The following CADPS variants were observed in gnomAD, a reference collection of about 807,000 sequenced individuals.
The protein encoded by CADPS is calcium-dependent secretion activator 1.
In CADPS, 57 loss-of-function variants were observed where a neutral mutation model predicts 167.3. That is an observed-to-expected ratio of 0.34 (90% CI 0.28 to 0.42). CADPS has a LOEUF of 0.42. CADPS is among the 20% of genes least tolerant of loss of function. The pLI is 1.00. For synonymous variants in CADPS, 676 were observed against 635.3 expected (o/e 1.06, Z -0.96); for missense variants, 1,414 against 1,738.1 (o/e 0.81, Z 3.32).
At chr3:62,775,338 C>T (rs2090017417) in intron 1 of CADPS, among the ~76,000 whole-genome samples, 1 of 152,120 alleles carries the variant, frequency 6.6e-6, no homozygotes, top group Non-Finnish European at 1.5e-5. Flanking sequence ...CAGGCATTAG[C>T]CACTGCGCCT....
At chr3:62,675,643 G>T (rs150490406) in intron 3 of CADPS, among the ~76,000 whole-genome samples, 51 of 152,202 alleles carry the variant, frequency 3.4e-4, no homozygotes, top group African/African-American at 1.2e-3. Flanking sequence ...GCACTGGGAA[G>T]TTCAAATTAA....
At chr3:62,792,904 T>C (rs2093072384) in intron 1 of CADPS, among the ~76,000 whole-genome samples, 1 of 152,138 alleles carries the variant, frequency 6.6e-6, no homozygotes, top group East Asian at 1.9e-4. Context: ...AGCTAACAAA[T>C]ATTTATTGAT....
intron 2 of CADPS, among the ~76,000 whole-genome samples, chr3:62,765,514 A>AT: frequency 6.6e-6 from 1 of 152,104 alleles, no homozygotes; most frequent in African/African-American, 2.4e-5. Context: ...ACAGGTTGTG[A>AT]TTTTTCATAG....
At chr3:62,782,014 TC>T (rs1171412051) in intron 1 of CADPS, among the ~76,000 whole-genome samples, 1 of 152,156 alleles carries the variant, frequency 6.6e-6, no homozygotes, top group East Asian at 1.9e-4. Flanking sequence ...TCCTAATGTC[TC>T]CCTTTACCAC....
At chr3:62,710,424 C>A (rs2083176669) in intron 3 of CADPS, among the ~76,000 whole-genome samples, 3 of 151,954 alleles carry the variant, frequency 2.0e-5, no homozygotes, top group Admixed American at 2.0e-4. Flanking sequence ...CTGAGATAAA[C>A]CTTGGGAAAG....
chr3:62,418,324 CTTT>C (rs1227861106), intron 28 of CADPS, among the ~76,000 whole-genome samples: 2 of 115,078 alleles, frequency 1.7e-5, no homozygotes, highest in African/African-American at 3.6e-5. Context: ...TTTTTTCTCT[CTTT>C]TTTTTTTTTT....
intron 1 of CADPS, among the ~76,000 whole-genome samples, chr3:62,813,079 C>G (rs541535052): frequency 6.6e-6 from 1 of 151,930 alleles, no homozygotes; most frequent in Non-Finnish European, 1.5e-5. Flanking sequence ...TATCAAATTA[C>G]CAAAGCCATT....
At chr3:62,512,633 G>A (rs902054280) in intron 17 of CADPS, 118 bp downstream of exon 17, 5 of 636,284 alleles carry the variant, frequency 7.9e-6, no homozygotes, top group African/African-American at 7.4e-5. Context: ...AAGTATTATT[G>A]CAACTCCACA....
At chr3:62,456,559 A>C (rs141467755) in intron 26 of CADPS, among the ~76,000 whole-genome samples, 159 of 152,312 alleles carry the variant, frequency 1.0e-3, no homozygotes, top group African/African-American at 3.4e-3. Flanking sequence ...CATAAGGATA[A>C]AGATGAAAAG....
intron 21 of CADPS, among the ~76,000 whole-genome samples, chr3:62,482,672 G>A (rs1248621161): frequency 6.6e-6 from 1 of 152,154 alleles, no homozygotes; most frequent in Non-Finnish European, 1.5e-5. Context: ...TTAAAATGTG[G>A]CTTCATATCA....
chr3:62,495,757 T>C (rs1231413797), intron 18 of CADPS, among the ~76,000 whole-genome samples: 1 of 152,210 alleles, frequency 6.6e-6, no homozygotes, highest in African/African-American at 2.4e-5. Context: ...GAAGGCATAA[T>C]TCGTGTGTGT....
intron 8 of CADPS, among the ~76,000 whole-genome samples, chr3:62,581,376 A>T (rs1432123179): frequency 6.6e-6 from 1 of 152,060 alleles, no homozygotes; most frequent in Non-Finnish European, 1.5e-5. Flanking sequence ...CAAGAAAAAA[A>T]TAAATTTTAA....
rs150357620 is a variant in CADPS at position 62,625,025 on chromosome 3, G to C, written c.1325+20697C>G. 4.9e-3 allele frequency among the ~76,000 whole-genome samples: 738 copies of C among 151,214 alleles called. 10 individuals are homozygous for C. Among genetic ancestry groups the C allele is most frequent in the East Asian group, 0.022 (111 of 5,160 alleles). ...GAGAGGGTGTGTGGGATCCATGGGA[G>C]ACAGAGTGGTCCCCTCTTCTTGGGT... is the stretch of plus-strand genomic sequence containing the variant. On this transcript the variant is annotated intron_variant, in intron 6 of 29. Coordinates refer to ENST00000383710, the MANE Select transcript of CADPS (RefSeq NM_003716.4).
At chr3:62,510,191 C>CATCTATCTATCTGTCTATCTATCT (rs1553853779) in intron 17 of CADPS, among the ~76,000 whole-genome samples, 4 of 148,266 alleles carry the variant, frequency 2.7e-5, no homozygotes, top group African/African-American at 1.0e-4. Context: ...CCTATTTCTG[C>CATCTATCTATCTGTCTATCTATCT]ATCTATCTAT....
intron 2 of CADPS, among the ~76,000 whole-genome samples, chr3:62,761,066 G>A (rs111487542): frequency 7.2e-5 from 11 of 152,312 alleles, no homozygotes; most frequent in African/African-American, 2.4e-4. Context: ...CTGGGCTAGA[G>A]TAGGTTTATC....
intron 28 of CADPS, among the ~76,000 whole-genome samples, chr3:62,413,579 A>ACCT (rs1202645961): frequency 3.3e-5 from 5 of 152,340 alleles, no homozygotes; most frequent in Admixed American, 1.3e-4. Flanking sequence ...ACAGTCAGAA[A>ACCT]GTAGAACAGT....
chr3:62,734,502 A>C (rs957363938), intron 3 of CADPS, among the ~76,000 whole-genome samples: 1 of 152,058 alleles, frequency 6.6e-6, no homozygotes, highest in African/African-American at 2.4e-5. Flanking sequence ...TCTGATTTCT[A>C]TTGCCATAGA....
intron 11 of CADPS, among the ~76,000 whole-genome samples, chr3:62,543,700 T>A (rs1424593974): frequency 1.3e-5 from 2 of 152,126 alleles, no homozygotes; most frequent in African/African-American, 4.8e-5. Flanking sequence ...TATCATTAAA[T>A]GGTCAGGAGA....
chr3:62,743,754 T>C (rs1317591278), intron 3 of CADPS, among the ~76,000 whole-genome samples: 2 of 152,140 alleles, frequency 1.3e-5, no homozygotes, highest in Non-Finnish European at 2.9e-5. Flanking sequence ...CAAACCTAAG[T>C]AGTCTCCATT....
Sources: gnomAD v4.1 joint callset for allele counts (sites outside exome capture counted in the v4.1 genomes callset) on GRCh38, gnomAD v4.1.1 for gene constraint, MANE v1.5 for transcripts, NCBI Gene and HGNC (gene_info 2026-07-23, HGNC 2026-07-21) for gene names.